The following NCOA7 variants were observed in gnomAD, a reference collection of about 807,000 sequenced individuals.
NCOA7 encodes the protein 140 kDa estrogen receptor-associated protein.
Under a neutral mutation model 104.3 loss-of-function variants are expected in NCOA7, and 45 were observed. The observed-to-expected ratio is 0.43, with a 90% CI of 0.34 to 0.55. The LOEUF (loss-of-function observed/expected upper bound fraction) is 0.55. Ranked by LOEUF, NCOA7 falls within the 20% of genes least tolerant of loss-of-function variation. NCOA7 has a pLI of 0.02. For synonymous variants in NCOA7, 398 were observed against 402.3 expected (o/e 0.99, Z 0.13); for missense variants, 1,041 against 1,119.7 (o/e 0.93, Z 1.00).
Position 125,921,066 on chromosome 6 carries a change from C to A in NCOA7, c.2368C>A (p.Gln790Lys), listed in dbSNP as rs1273550583. 6.2e-7 allele frequency: 1 copy of A among 1,612,404 alleles called. No individual in the cohort carries two copies. Among genetic ancestry groups the A allele is most frequent in the East Asian group, 2.2e-5 (1 of 44,770 alleles). The part of the protein sequence containing the change: ...SALLENMHIE[Q>K]LARRLPARVQ... ...GCTCCTGGAGAATATGCACATCGAG[C>A]AGGTGGGCTCGCCCTGGCCACCAAG... Residue 790 changes from glutamine (Q) to lysine (K), a missense_variant and splice_region_variant, in exon 12 of 16, where the codon CAG becomes AAG. Physicochemically the swap from Gln to Lys is moderately conservative, Grantham distance 53. This residue lies in a region of NCOA7 where 914 missense variants were observed against 942.7 expected (regional missense o/e 0.97). Coordinates refer to ENST00000392477, the MANE Select transcript of NCOA7 (RefSeq NM_181782.5).
chr6:125,797,046 A>T (rs1051200484), intron 1 of NCOA7, among the ~76,000 whole-genome samples: 2 of 151,920 alleles, frequency 1.3e-5, no homozygotes, highest in African/African-American at 4.9e-5. Context: ...TTTGGTATTT[A>T]TTATGACACT....
chr6:125,812,757 G>A (rs1777148453), intron 1 of NCOA7, among the ~76,000 whole-genome samples: 1 of 152,052 alleles, frequency 6.6e-6, no homozygotes, highest in East Asian at 1.9e-4. Flanking sequence ...CTGCTCCCCT[G>A]TCCTACATGC....
chr6:125,850,234 A>T (rs1031010321), intron 2 of NCOA7, among the ~76,000 whole-genome samples: 2 of 152,310 alleles, frequency 1.3e-5, no homozygotes, highest in Admixed American at 1.3e-4. Flanking sequence ...CCAGAAACAC[A>T]TCTGATTTCC....
chr6:125,813,031 C>G (rs1777194126), intron 1 of NCOA7, among the ~76,000 whole-genome samples: 1 of 152,300 alleles, frequency 6.6e-6, no homozygotes, highest in South Asian at 2.1e-4. Flanking sequence ...ATCTACTTCA[C>G]CCTGTCCTTA....
chr6:125,924,985 A>C (rs1370429900), intron 13 of NCOA7, among the ~76,000 whole-genome samples: 1 of 152,048 alleles, frequency 6.6e-6, no homozygotes, highest in Non-Finnish European at 1.5e-5. Flanking sequence ...CCCACCCTCC[A>C]CTCACAGAGC....
chr6:125,873,587 A>G (rs1408618710), intron 3 of NCOA7, among the ~76,000 whole-genome samples: 2 of 152,214 alleles, frequency 1.3e-5, no homozygotes, highest in South Asian at 2.1e-4. Context: ...TGCCATAGAT[A>G]ATACTGTGAT....
At chr6:125,903,848 G>A (rs1785726249) in intron 10 of NCOA7, among the ~76,000 whole-genome samples, 1 of 151,804 alleles carries the variant, frequency 6.6e-6, no homozygotes, top group Admixed American at 6.6e-5. Context: ...TGGGATTACA[G>A]GTGTGTGCCA....
At chr6:125,805,159 G>A (rs1234467834) in intron 1 of NCOA7, among the ~76,000 whole-genome samples, 1 of 132,128 alleles carries the variant, frequency 7.6e-6, no homozygotes, top group Non-Finnish European at 1.5e-5. Flanking sequence ...GCAATGGCAC[G>A]ATCTCGGCTC....
intron 14 of NCOA7, 91 bp from the exon 15 acceptor site, chr6:125,928,083 C>T: frequency 8.3e-7 from 1 of 1,207,868 alleles, no homozygotes; most frequent in South Asian, 1.3e-5. Flanking sequence ...TGAGGTGGTT[C>T]CCTTTTACAT....
upstream of NCOA7, among the ~76,000 whole-genome samples, chr6:125,790,007 C>A (rs1181749697): frequency 6.6e-6 from 1 of 152,238 alleles, no homozygotes; most frequent in Non-Finnish European, 1.5e-5. Context: ...AGCTCACAGG[C>A]ACAGGCCCCG....
At chr6:125,895,299 G>T (rs1784914958) in intron 10 of NCOA7, among the ~76,000 whole-genome samples, 1 of 152,106 alleles carries the variant, frequency 6.6e-6, no homozygotes, top group Non-Finnish European at 1.5e-5. Flanking sequence ...TTTTAAGTTG[G>T]TTAGTGTGAT....
At position 125,889,394 on chromosome 6, in the gene NCOA7, G is replaced by A. The variant is rs377026001; in HGVS notation, c.1340G>A (p.Arg447Gln). 9.3e-6 allele frequency: 15 copies of A among 1,613,682 alleles called. No individual in the cohort carries two copies. In the African/African-American group the frequency reaches 1.2e-4, roughly 13 times the overall value. ...KECLSLDPEE[R>Q]KKAESQINNS... ...TGCCTTTCTCTTGACCCAGAGGAAC[G>A]AAAGAAAGCTGAGTCACAAATAAAC... The change falls in exon 9 of 16, where the codon CGA (arginine) becomes CAA (glutamine). Residue 447 changes from arginine to glutamine, a missense_variant. Arg to Gln is a conservative substitution (Grantham distance 43, BLOSUM62 1). Coordinates refer to ENST00000392477, the MANE Select transcript of NCOA7 (RefSeq NM_181782.5).
chr6:125,834,018 T>A (rs1779405025), intron 2 of NCOA7, among the ~76,000 whole-genome samples: 1 of 152,232 alleles, frequency 6.6e-6, no homozygotes, highest in Admixed American at 6.5e-5. Context: ...ATTATTTTTT[T>A]AAAATCGTAA....
In NCOA7 at chr6:125,818,419, G is replaced by A. The variant is rs767333604; in HGVS notation, c.50+3015G>A. 7.9e-5 allele frequency among the ~76,000 whole-genome samples: 12 copies of A among 152,244 alleles called. No homozygotes were observed. In the East Asian group the frequency reaches 9.6e-4, roughly 12 times the overall value. ...GTATTCTAAAAATGAAACAAAAAAC[G>A]TATCCTAAAATGCTGAAATGTGATC... On this transcript the variant is annotated intron_variant, in intron 2 of 15. Transcript: ENST00000392477.
intron 3 of NCOA7, among the ~76,000 whole-genome samples, chr6:125,861,519 A>G (rs1189682978): frequency 1.3e-5 from 2 of 152,174 alleles, no homozygotes; most frequent in East Asian, 1.9e-4. Flanking sequence ...ATGGATTTTC[A>G]TGTAGAAAAA....
chr6:125,795,806 C>T (rs1295725196), intron 1 of NCOA7, among the ~76,000 whole-genome samples: 2 of 152,138 alleles, frequency 1.3e-5, no homozygotes, highest in Admixed American at 6.5e-5. Context: ...ATTTTACCCA[C>T]AGTCATTCTT....
intron 1 of NCOA7, among the ~76,000 whole-genome samples, chr6:125,782,196 A>T (rs1562737101): frequency 6.6e-6 from 1 of 152,204 alleles, no homozygotes. Context: ...TACTTTTTTA[A>T]TGTAGCTACT....
In NCOA7 at chr6:125,889,083, G is replaced by GGA; in HGVS notation, c.1030_1031dup (p.Asp344GlufsTer6). On this transcript the variant is annotated frameshift_variant, in exon 9 of 16. Transcript: ENST00000392477. LOFTEE classifies it high-confidence loss of function. The stretch of plus-strand genomic sequence containing the variant: ...AGAATGGAGAGAAAATTATGACTTC[G>GGA]GATTCCAGACCAATAGTACCTTTGG... 3.1e-6 allele frequency: 5 copies of GGA among 1,614,010 alleles called. No individual in the cohort carries two copies. The highest frequency in any genetic ancestry group is 4.2e-6 in the Non-Finnish European group (5 of 1,179,964).
At chr6:125,822,621 T>C (rs905767278) in intron 2 of NCOA7, among the ~76,000 whole-genome samples, 17 of 152,120 alleles carry the variant, frequency 1.1e-4, no homozygotes, top group Non-Finnish European at 2.4e-4. Flanking sequence ...GTGTCTACTT[T>C]GTCTGAAAGG....
Sources: allele counts gnomAD v4.1 joint callset (sites outside exome capture counted in the v4.1 genomes callset), GRCh38; gene constraint gnomAD v4.1.1; regional missense constraint gnomAD v4.1.1; transcripts MANE v1.5; gene names NCBI Gene and HGNC (gene_info 2026-07-23, HGNC 2026-07-21).